KCNN2: variants seen among roughly 807,000 people sequenced by gnomAD.
KCNN2 encodes small conductance calcium-activated potassium channel protein 2.
Under a neutral mutation model 55.5 loss-of-function variants are expected in KCNN2, and 24 were observed. That is an observed-to-expected ratio of 0.43 (90% CI 0.31 to 0.61). The LOEUF (loss-of-function observed/expected upper bound fraction) is 0.61. Among genes scored for constraint, KCNN2 ranks in the 20% least tolerant of loss-of-function variants. The pLI, the probability that KCNN2 is intolerant of heterozygous loss-of-function variation, is 0.08. For missense variants in KCNN2, 754 were observed against 853.6 expected (o/e 0.88, Z 1.45); for synonymous variants, 431 against 336.1 (o/e 1.28, Z -3.09).
At chr5:114,393,108 T>C (rs1257682078) in intron 2 of KCNN2, among the ~76,000 whole-genome samples, 1 of 152,116 alleles carries the variant, frequency 6.6e-6, no homozygotes, top group East Asian at 1.9e-4. Flanking sequence ...CATTAAGATG[T>C]AAATTTAAAT....
intron 3 of KCNN2, among the ~76,000 whole-genome samples, chr5:114,438,569 C>G (rs550496227): frequency 6.6e-6 from 1 of 152,070 alleles, no homozygotes; most frequent in Non-Finnish European, 1.5e-5. Context: ...ATAATGTTCC[C>G]AGGGGTAGTT....
chr5:114,386,258 G>A (rs1315114014), intron 2 of KCNN2, among the ~76,000 whole-genome samples: 2 of 151,738 alleles, frequency 1.3e-5, no homozygotes, highest in South Asian at 2.1e-4. Context: ...TGAGAGCAGT[G>A]GAATCTTTTC....
At chr5:114,158,572 G>C (rs1752692191) in intron 1 of KCNN2, among the ~76,000 whole-genome samples, 1 of 151,834 alleles carries the variant, frequency 6.6e-6, no homozygotes, top group Non-Finnish European at 1.5e-5. Flanking sequence ...GGATGGCATT[G>C]AATCTATAAA....
At chr5:114,465,102 G>A (rs931627604) in intron 4 of KCNN2, among the ~76,000 whole-genome samples, 1 of 152,126 alleles carries the variant, frequency 6.6e-6, no homozygotes, top group African/African-American at 2.4e-5. Flanking sequence ...TGACTCAAGG[G>A]TCATGTGCAC....
chr5:114,093,489 C>T (rs893785126), intron 1 of KCNN2, among the ~76,000 whole-genome samples: 1 of 152,090 alleles, frequency 6.6e-6, no homozygotes, highest in African/African-American at 2.4e-5. Context: ...TAACAGTGCC[C>T]CACTCCCAGT....
At chr5:114,163,238 A>G (rs967211321) in intron 1 of KCNN2, among the ~76,000 whole-genome samples, 6 of 152,146 alleles carry the variant, frequency 3.9e-5, no homozygotes, top group African/African-American at 1.4e-4. Flanking sequence ...GTCTGCAAAC[A>G]GGGATAGTTT....
At chr5:114,076,828 G>A (rs973596479) in intron 1 of KCNN2, among the ~76,000 whole-genome samples, 1 of 152,058 alleles carries the variant, frequency 6.6e-6, no homozygotes, top group African/African-American at 2.4e-5. Flanking sequence ...TAAGTAGCTG[G>A]GAGTGCAGGC....
chr5:114,310,247 G>A (rs564155084), intron 2 of KCNN2, among the ~76,000 whole-genome samples: 13 of 152,240 alleles, frequency 8.5e-5, no homozygotes, highest in East Asian at 1.9e-4. Flanking sequence ...GAGAGACCAC[G>A]AGAGAGATGG....
intron 2 of KCNN2, among the ~76,000 whole-genome samples, chr5:114,382,841 C>T (rs1200556837): frequency 3.3e-5 from 5 of 152,188 alleles, no homozygotes; most frequent in South Asian, 2.1e-4. Flanking sequence ...CAGTTAAATC[C>T]GAGTGATTGG....
chr5:114,281,352 A>G (rs940201304), intron 2 of KCNN2, among the ~76,000 whole-genome samples: 1 of 152,166 alleles, frequency 6.6e-6, no homozygotes, highest in African/African-American at 2.4e-5. Context: ...AGTACTTGCC[A>G]AATGTCCCTC....
At chr5:114,434,314 G>C (rs932386359) in intron 3 of KCNN2, among the ~76,000 whole-genome samples, 1 of 151,666 alleles carries the variant, frequency 6.6e-6, no homozygotes. Flanking sequence ...TTGATCTCTA[G>C]CATTTCTTTT....
rs560119617 is a variant in KCNN2, at chr5:114,114,562, G to A, written c.-271+58062G>A. Reference sequence around the variant, plus strand: ...TAGTTTGTTCCAGGTACTGTTAAAGGTTCTAGGGATGCAGCTGAGAAAATG... The same window carrying A: ...TAGTTTGTTCCAGGTACTGTTAAAGATTCTAGGGATGCAGCTGAGAAAATG... On this transcript the variant is annotated intron_variant, in intron 1 of 10. Transcript: ENST00000512097. Among the ~76,000 whole-genome samples, 13 of 152,152 alleles carry A rather than the reference G, an allele frequency of 8.5e-5. No homozygotes were observed. The South Asian group carries it at 2.7e-3, about 32-fold the overall frequency.
At chr5:114,136,305 C>T (rs1023071260) in intron 1 of KCNN2, among the ~76,000 whole-genome samples, 6 of 152,282 alleles carry the variant, frequency 3.9e-5, no homozygotes, top group East Asian at 1.9e-4. Context: ...TCAGCCCTCA[C>T]GTGCTCACTT....
At chr5:114,362,069 C>A (rs974129966), upstream of KCNN2, 1 of 153,348 alleles carries the variant, frequency 6.5e-6, no homozygotes, top group African/African-American at 2.4e-5. Flanking sequence ...CAGGAGTCCC[C>A]GCTCCCGACC....
intron 2 of KCNN2, among the ~76,000 whole-genome samples, chr5:114,325,321 A>G (rs186235977): frequency 1.3e-5 from 2 of 152,332 alleles, no homozygotes; most frequent in African/African-American, 2.4e-5. Context: ...GAGGGAATAA[A>G]AAAGAACCAG....
chr5:114,117,531 A>G (rs1329875829), intron 1 of KCNN2, among the ~76,000 whole-genome samples: 1 of 152,184 alleles, frequency 6.6e-6, no homozygotes, highest in Non-Finnish European at 1.5e-5. Flanking sequence ...TCTGCCTTTG[A>G]AATAACTGGA....
At chr5:114,430,972 G>A (rs1330562576) in intron 3 of KCNN2, among the ~76,000 whole-genome samples, 1 of 152,036 alleles carries the variant, frequency 6.6e-6, no homozygotes. Context: ...AAAGTGTTTT[G>A]TACTTTAAGT....
intron 2 of KCNN2, among the ~76,000 whole-genome samples, chr5:114,316,138 C>A (rs1399429759): frequency 6.6e-6 from 1 of 152,154 alleles, no homozygotes; most frequent in Non-Finnish European, 1.5e-5. Context: ...TATCTTCCAT[C>A]TATCAGGAGC....
intron 2 of KCNN2, among the ~76,000 whole-genome samples, chr5:114,336,616 C>T (rs62382918): frequency 2.6e-5 from 4 of 152,160 alleles, no homozygotes; most frequent in African/African-American, 9.7e-5. Flanking sequence ...ATAATTAAAA[C>T]TTGTTTATCT....
Sources: gnomAD v4.1 joint callset for allele counts (sites outside exome capture counted in the v4.1 genomes callset) on GRCh38, gnomAD v4.1.1 for gene constraint, MANE v1.5 for transcripts, NCBI Gene and HGNC (gene_info 2026-07-23, HGNC 2026-07-21) for gene names.